Variants in CDH4 observed in about 807,000 individuals in gnomAD.
The protein encoded by CDH4 is cadherin-4.
Under a neutral mutation model 86.0 loss-of-function variants are expected in CDH4, and 33 were observed. The observed-to-expected ratio is 0.38, with a 90% CI of 0.29 to 0.51. CDH4 has a LOEUF of 0.51. CDH4 is among the 20% of genes least tolerant of loss of function. CDH4 has a pLI of 0.86. For synonymous variants in CDH4, 555 were observed against 549.4 expected (o/e 1.01, Z -0.14); for missense variants, 1,114 against 1,307.4 (o/e 0.85, Z 2.28).
chr20:61,273,162 T>G (rs1600822426), intron 2 of CDH4, among the ~76,000 whole-genome samples: 5 of 63,736 alleles, frequency 7.8e-5, no homozygotes, highest in Non-Finnish European at 1.2e-4. Flanking sequence ...TTTGGGGGAG[T>G]ATTGGGGGAG....
intron 2 of CDH4, among the ~76,000 whole-genome samples, chr20:61,383,830 AAG>A (rs368278972): frequency 0.22 from 30,698 of 141,260 alleles, 4,295 homozygotes; most frequent in African/African-American, 0.3. Flanking sequence ...CGTATATATG[AAG>A]ATATATATGC....
At chr20:61,723,455 G>A (rs899000583) in intron 2 of CDH4, among the ~76,000 whole-genome samples, 49 of 152,166 alleles carry the variant, frequency 3.2e-4, no homozygotes, top group Admixed American at 1.4e-3. Flanking sequence ...AGCCTCCTCC[G>A]GGCTTGGCTT....
intron 2 of CDH4, among the ~76,000 whole-genome samples, chr20:61,387,679 G>A (rs1362779432): frequency 1.3e-5 from 2 of 152,202 alleles, no homozygotes; most frequent in Non-Finnish European, 2.9e-5. Flanking sequence ...GCTCAGGTAC[G>A]TAATTAATCA....
intron 2 of CDH4, among the ~76,000 whole-genome samples, chr20:61,626,991 G>A (rs534867642): frequency 1.8e-4 from 27 of 152,158 alleles, no homozygotes; most frequent in Non-Finnish European, 2.9e-4. Flanking sequence ...TGGCTCACAC[G>A]GTGGCAAGAG....
At chr20:61,884,716 G>A (rs910773016) in intron 7 of CDH4, among the ~76,000 whole-genome samples, 2 of 152,174 alleles carry the variant, frequency 1.3e-5, no homozygotes, top group African/African-American at 4.8e-5. Context: ...CTAGTTCCTG[G>A]GTGCCCGGGA....
chr20:61,554,858 G>A (rs1892307), intron 2 of CDH4, among the ~76,000 whole-genome samples: 41,446 of 152,076 alleles, frequency 0.27, 6,169 homozygotes, highest in African/African-American at 0.4. Context: ...GCGTGAGTTC[G>A]CATGTTTGTG....
At chr20:61,767,583 C>G (rs2088715237) in intron 3 of CDH4, among the ~76,000 whole-genome samples, 1 of 152,154 alleles carries the variant, frequency 6.6e-6, no homozygotes, top group South Asian at 2.1e-4. Flanking sequence ...GGCGGGTGAG[C>G]TAAAACCCTA....
intron 2 of CDH4, among the ~76,000 whole-genome samples, chr20:61,400,408 C>T (rs1249672734): frequency 1.3e-5 from 2 of 152,156 alleles, no homozygotes; most frequent in African/African-American, 4.8e-5. Context: ...GGTAGCTTTG[C>T]TGCATCAGAG....
chr20:61,608,095 A>T (rs2247209), intron 2 of CDH4, among the ~76,000 whole-genome samples: 1 of 151,964 alleles, frequency 6.6e-6, no homozygotes, highest in African/African-American at 2.4e-5. Flanking sequence ...TCGCCCCCAG[A>T]CCCCAGGGTG....
intron 2 of CDH4, among the ~76,000 whole-genome samples, chr20:61,400,631 A>G (rs2085044289): frequency 1.3e-5 from 2 of 152,222 alleles, no homozygotes; most frequent in Admixed American, 6.5e-5. Context: ...ACCATCGGGA[A>G]CACATAGGCT....
chr20:61,924,289 G>A (rs371198567), intron 10 of CDH4, 45 bp from the exon 11 acceptor site: 40 of 626,348 alleles, frequency 6.4e-5, no homozygotes, highest in Admixed American at 8.5e-5. Flanking sequence ...GGGCAGCCCC[G>A]CCCACCCCCA....
chr20:61,337,527 GAGGGA>G (rs2084626277), intron 2 of CDH4, among the ~76,000 whole-genome samples: 1 of 151,858 alleles, frequency 6.6e-6, no homozygotes, highest in Non-Finnish European at 1.5e-5. Context: ...AAGGGAAGAT[GAGGGA>G]AAGCATGGTC....
At chr20:61,633,229 T>C (rs554017597) in intron 2 of CDH4, among the ~76,000 whole-genome samples, 2 of 149,992 alleles carry the variant, frequency 1.3e-5, no homozygotes, top group East Asian at 2.0e-4. Flanking sequence ...ATTCATTCAT[T>C]CATCCATCCA....
chr20:61,294,476 G>A (rs1460046289), intron 2 of CDH4, among the ~76,000 whole-genome samples: 3 of 152,206 alleles, frequency 2.0e-5, no homozygotes, highest in African/African-American at 7.2e-5. Flanking sequence ...AAACACAGCT[G>A]CTCTTCCCAT....
At chr20:61,729,006 C>T (rs139263250) in intron 2 of CDH4, among the ~76,000 whole-genome samples, 241 of 152,294 alleles carry the variant, frequency 1.6e-3, no homozygotes, top group Middle Eastern at 6.8e-3. Context: ...AGCGGTGCCC[C>T]GATGTCCTGG....
intron 2 of CDH4, among the ~76,000 whole-genome samples, chr20:61,727,104 C>A (rs551791647): frequency 6.6e-6 from 1 of 152,104 alleles, no homozygotes; most frequent in Non-Finnish European, 1.5e-5. Flanking sequence ...CCATTGGAGC[C>A]ATCACCATCG....
At chr20:61,406,298 GCA>G in intron 2 of CDH4, among the ~76,000 whole-genome samples, 1 of 146,406 alleles carries the variant, frequency 6.8e-6, no homozygotes, top group East Asian at 2.0e-4. Flanking sequence ...GCCCGGACCA[GCA>G]TCTGCTCTGC....
intron 2 of CDH4, among the ~76,000 whole-genome samples, chr20:61,538,630 G>T (rs969307736): frequency 2.6e-4 from 39 of 152,188 alleles, no homozygotes; most frequent in Non-Finnish European, 2.9e-5. Flanking sequence ...TGCCCCTCGT[G>T]CGTTCATGGG....
intron 2 of CDH4, among the ~76,000 whole-genome samples, chr20:61,397,806 A>G (rs982121785): frequency 3.3e-5 from 5 of 152,250 alleles, no homozygotes; most frequent in Non-Finnish European, 7.3e-5. Flanking sequence ...GAATGGACAC[A>G]TGGATTGGAC....
Sources: gnomAD v4.1 joint callset for allele counts (sites outside exome capture counted in the v4.1 genomes callset) on GRCh38, gnomAD v4.1.1 for gene constraint, MANE v1.5 for transcripts, NCBI Gene and HGNC (gene_info 2026-07-23, HGNC 2026-07-21) for gene names.